The following PPFIBP2 variants were observed in gnomAD, a reference collection of about 807,000 sequenced individuals.
PPFIBP2 encodes the protein PPFIB scaffold protein 2.
A neutral mutation model predicts 118.3 loss-of-function variants in PPFIBP2; 118 were observed. The ratio of observed to expected loss-of-function variants is 1.00; its 90% CI spans 0.86 to 1.16. PPFIBP2 has a LOEUF of 1.16. Among genes scored for constraint, PPFIBP2 ranks in the 50% most tolerant of loss-of-function variants. The probability of loss-of-function intolerance (pLI) is 0.00; values close to 1 mark genes in which losing one functional copy is unlikely to be tolerated. For missense variants in PPFIBP2, 1,195 were observed against 1,073.1 expected, an observed-to-expected ratio of 1.11 and a Z score of -1.59; for synonymous variants, 414 against 397.4, an observed-to-expected ratio of 1.04 and a Z score of -0.50.
intron 5 of PPFIBP2, chr11:7,598,082 T>A (rs1291304019): frequency 1.3e-5 from 2 of 156,744 alleles, no homozygotes; most frequent in African/African-American, 4.8e-5. Flanking sequence ...TATATAGTTT[T>A]TAAAATAAAA....
At chr11:7,640,826 G>A (rs1185448758) in intron 15 of PPFIBP2, among the ~76,000 whole-genome samples, 1 of 152,084 alleles carries the variant, frequency 6.6e-6, no homozygotes, top group African/African-American at 2.4e-5. Flanking sequence ...GGAACACTTG[G>A]TCCCCTCACA....
chr11:7,641,407 C>T, intron 15 of PPFIBP2, 72 bp from the exon 16 acceptor site: 1 of 1,542,608 alleles, frequency 6.5e-7, no homozygotes, highest in Non-Finnish European at 8.9e-7. Flanking sequence ...AGGGGAGGGC[C>T]CAGGCTTGGG....
downstream of PPFIBP2, chr11:7,653,914 C>T (rs931770753): frequency 3.5e-5 from 25 of 713,792 alleles, no homozygotes; most frequent in African/African-American, 2.8e-4. Context: ...TAGAGCAAGG[C>T]GGGACCCCCT....
intron 1 of PPFIBP2, among the ~76,000 whole-genome samples, chr11:7,545,174 A>G (rs1852200279): frequency 1.3e-5 from 2 of 152,026 alleles, no homozygotes; most frequent in Admixed American, 6.6e-5. Flanking sequence ...CACGCCTGTA[A>G]TCCCAGCACT....
At position 7,550,102 on chromosome 11, in the gene PPFIBP2, C is replaced by A. The variant is rs942525920; in HGVS notation, c.64+563C>A. ...TTTTCTTAGAAAAGATCTAGCAAAG[C>A]TGTGGTTAATTTGAAAGGACTATCA... On this transcript the variant is annotated intron_variant, in intron 2 of 23. Transcript: ENST00000299492. 9.2e-5 allele frequency among the ~76,000 whole-genome samples: 14 copies of A among 152,278 alleles called. No homozygotes were observed. In the Middle Eastern group the frequency reaches 0.014, roughly 148 times the overall value.
At chr11:7,636,645 T>A (rs1554985245) in intron 14 of PPFIBP2, among the ~76,000 whole-genome samples, 1 of 152,142 alleles carries the variant, frequency 6.6e-6, no homozygotes, top group Non-Finnish European at 1.5e-5. Flanking sequence ...GACCACCTGC[T>A]CCTTTGGAAA....
Position 7,649,567 on chromosome 11 carries a change from A to G in PPFIBP2, c.2034A>G (p.Leu678=). Residue 678 remains leucine (L), a synonymous_variant, in exon 21 of 24, where the codon CTA becomes CTG. Coordinates refer to ENST00000299492, the MANE Select transcript of PPFIBP2 (RefSeq NM_003621.5). ...TCTTCTTAAAAGTCACCAGCCAACT[A>G]CATCATCTCAGCATCAAATGTGCCA... is the stretch of plus-strand genomic sequence containing the variant. ...DLLFLKVTSQ[L]HHLSIKCAIH... 2 of 1,614,200 alleles carry G rather than the reference A, an allele frequency of 1.2e-6. No homozygotes were observed. The highest frequency in any genetic ancestry group is 1.1e-5 in the South Asian group (1 of 91,078).
chr11:7,652,971 C>G, intron 23 of PPFIBP2, 53 bp from the exon 24 acceptor site: 1 of 1,552,206 alleles, frequency 6.4e-7, no homozygotes, highest in Non-Finnish European at 8.8e-7. Context: ...GTCAGTCATA[C>G]CTGCACACTG....
chr11:7,621,761 G>T (rs1465678865), intron 7 of PPFIBP2, among the ~76,000 whole-genome samples: 1 of 152,182 alleles, frequency 6.6e-6, no homozygotes, highest in Non-Finnish European at 1.5e-5. Context: ...TGGGGAGGTG[G>T]GAGGCTCACA....
chr11:7,545,943 C>T (rs1852283148), intron 1 of PPFIBP2, among the ~76,000 whole-genome samples: 1 of 152,152 alleles, frequency 6.6e-6, no homozygotes, highest in African/African-American at 2.4e-5. Context: ...TCACCAAGGA[C>T]TGAGCGACCC....
intron 17 of PPFIBP2, among the ~76,000 whole-genome samples, chr11:7,647,346 A>C (rs1393183182): frequency 6.6e-6 from 1 of 152,168 alleles, no homozygotes; most frequent in African/African-American, 2.4e-5. Context: ...TTAAATGAAA[A>C]ATGGATGTCT....
chr11:7,559,194 A>C (rs1157585088), intron 2 of PPFIBP2, among the ~76,000 whole-genome samples: 2 of 152,224 alleles, frequency 1.3e-5, no homozygotes, highest in African/African-American at 4.8e-5. Context: ...TGTAAGTTGA[A>C]TTACCCTTTT....
intron 7 of PPFIBP2, among the ~76,000 whole-genome samples, chr11:7,623,477 C>G (rs559840809): frequency 2.6e-5 from 4 of 152,318 alleles, no homozygotes; most frequent in Non-Finnish European, 5.9e-5. Context: ...AGAGATCGCT[C>G]AAAGGATAAC....
At chr11:7,655,511 C>G (rs1292696971), downstream of PPFIBP2, 1 of 1,289,374 alleles carries the variant, frequency 7.8e-7, no homozygotes, top group Admixed American at 2.3e-5. Flanking sequence ...AGGACTCTGA[C>G]CCTCTCCCCA....
chr11:7,656,843 C>T (rs769274686), downstream of PPFIBP2: 17 of 1,273,740 alleles, frequency 1.3e-5, no homozygotes, highest in Middle Eastern at 2.2e-4. Flanking sequence ...GTGGGGGCCC[C>T]GGAGCCTTTG....
intron 2 of PPFIBP2, among the ~76,000 whole-genome samples, chr11:7,550,894 CCTG>C (rs1406553141): frequency 6.6e-6 from 1 of 152,180 alleles, no homozygotes; most frequent in Non-Finnish European, 1.5e-5. Context: ...CTGGATGCTT[CCTG>C]CCCCCAAACA....
intron 10 of PPFIBP2, 123 bp from the exon 11 acceptor site, chr11:7,630,802 G>C: frequency 1.4e-6 from 1 of 736,944 alleles, no homozygotes; most frequent in South Asian, 1.6e-5. Flanking sequence ...CACTCTTACT[G>C]TCCCTTTATA....
chr11:7,540,708 G>A (rs1363966722), intron 1 of PPFIBP2, among the ~76,000 whole-genome samples: 6 of 152,158 alleles, frequency 3.9e-5, no homozygotes, highest in Non-Finnish European at 8.8e-5. Context: ...ACCCAGACAC[G>A]TGGCACAGTT....
chr11:7,577,782 G>A, intron 3 of PPFIBP2: 1 of 404,612 alleles, frequency 2.5e-6, no homozygotes. Context: ...TTCTTCATGA[G>A]AATCTAATTA....
Sources: gnomAD v4.1 joint callset for allele counts (sites outside exome capture counted in the v4.1 genomes callset) on GRCh38, gnomAD v4.1.1 for gene constraint, MANE v1.5 for transcripts, NCBI Gene and HGNC (gene_info 2026-07-23, HGNC 2026-07-21) for gene names.